C10orf143: variants seen among roughly 807,000 people sequenced by gnomAD.
C10orf143 encodes the protein uncharacterized protein C10orf143.
At chr10:130,037,860 C>T (rs1352804460) in intron 3 of C10orf143, among the ~76,000 whole-genome samples, 1 of 152,166 alleles carries the variant, frequency 6.6e-6, no homozygotes, top group Non-Finnish European at 1.5e-5. Flanking sequence ...TTATTAGCAG[C>T]TAAGCTCTTT....
chr10:130,106,349 G>C (rs760096815), intron 1 of C10orf143: 1 of 1,600,832 alleles, frequency 6.2e-7, no homozygotes, highest in South Asian at 1.1e-5. Context: ...TGTTCAAAAA[G>C]AGTATGAAGA....
Position 130,108,125 on chromosome 10 carries a change from C to T in C10orf143, c.69+2579G>A, listed in dbSNP as rs762405086. 4 of 1,558,114 alleles carry T rather than the reference C, an allele frequency of 2.6e-6. No individual in the cohort carries two copies. The South Asian group carries it at 4.4e-5, about 17-fold the overall frequency. ...TGGCCCTCGCTTTGTTCCTCCACCT[C>T]TTGCCCTAATCAGAGGTCCACTGTT... On this transcript the variant is annotated intron_variant, in intron 1 of 3. Coordinates refer to ENST00000637128, the MANE Select transcript of C10orf143 (RefSeq NM_001355042.2).
intron 3 of C10orf143, among the ~76,000 whole-genome samples, chr10:130,045,775 C>T (rs1314389294): frequency 6.6e-6 from 1 of 152,214 alleles, no homozygotes; most frequent in Non-Finnish European, 1.5e-5. Context: ...AATGCGATTG[C>T]CTCGACTCGA....
chr10:130,048,232 C>T (rs1402803548), intron 3 of C10orf143, among the ~76,000 whole-genome samples: 1 of 152,156 alleles, frequency 6.6e-6, no homozygotes, highest in East Asian at 1.9e-4. Flanking sequence ...TCCAGCTCAC[C>T]CCTACAGCTG....
At chr10:130,089,854 T>TA (rs1411018227) in intron 1 of C10orf143, among the ~76,000 whole-genome samples, 1 of 152,102 alleles carries the variant, frequency 6.6e-6, no homozygotes, top group African/African-American at 2.4e-5. Flanking sequence ...TATCCACATG[T>TA]AAAAAGATAA....
chr10:130,059,998 A>G (rs74987163), downstream of C10orf143, among the ~76,000 whole-genome samples: 4,965 of 152,296 alleles, frequency 0.033, 261 homozygotes, highest in African/African-American at 0.11. Context: ...AGACATTGAA[A>G]AAAAGCACAG....
intron 3 of C10orf143, among the ~76,000 whole-genome samples, chr10:130,043,638 C>T (rs566367984): frequency 1.3e-5 from 2 of 152,322 alleles, no homozygotes; most frequent in South Asian, 4.1e-4. Context: ...ATAAGCACCC[C>T]CAGGTGCCCT....
At chr10:130,107,217 A>C in intron 1 of C10orf143, 1 of 1,336,400 alleles carries the variant, frequency 7.5e-7, no homozygotes, top group Non-Finnish European at 1.1e-6. Context: ...CAAGAAAATG[A>C]AATGAAACTC....
chr10:130,065,143 A>G lies in C10orf143; in HGVS notation c.298-760T>C, dbSNP rs1860910018. The G allele has an allele frequency of 6.6e-6, 1 of 152,428 alleles. No homozygotes were observed. The highest frequency in any genetic ancestry group is 2.4e-5 in the African/African-American group (1 of 41,456). 9.4% of individuals were successfully genotyped at this position (152,428 alleles called of 1,614,324 possible). On this transcript the variant is annotated intron_variant, in intron 3 of 3. Transcript: ENST00000637128. This position sits in a 1 kb window ranked among gnomAD's most constrained non-coding sequence, Gnocchi z 4.2. ...GGGCAGTGGGGAAACAAAGAAGTCC[A>G]GTTCTTGATGATGTCCCTGCTTCCT...
chr10:130,086,219 A>C (rs188883386), intron 1 of C10orf143, among the ~76,000 whole-genome samples: 1 of 152,272 alleles, frequency 6.6e-6, no homozygotes, highest in East Asian at 1.9e-4. Flanking sequence ...ACACAGGTCC[A>C]TGCGAGCTCA....
chr10:130,064,923 T>C (rs2031469), intron 3 of C10orf143: 5 of 152,316 alleles, frequency 3.3e-5, no homozygotes, highest in African/African-American at 1.2e-4. Context: ...GGCCAGACAC[T>C]GTACCACTGT....
intron 3 of C10orf143, among the ~76,000 whole-genome samples, chr10:130,046,765 C>G (rs773200547): frequency 5.9e-5 from 9 of 152,184 alleles, no homozygotes; most frequent in Non-Finnish European, 1.2e-4. Context: ...CCACGCCGCC[C>G]GCTCACCTGC....
At chr10:130,048,851 C>T (rs544824536) in intron 3 of C10orf143, among the ~76,000 whole-genome samples, 126 of 152,202 alleles carry the variant, frequency 8.3e-4, no homozygotes, top group African/African-American at 2.8e-3. Context: ...TACAGACATG[C>T]GCCACCATAC....
intron 1 of C10orf143, among the ~76,000 whole-genome samples, chr10:130,101,596 G>A (rs1269692086): frequency 6.6e-6 from 1 of 151,908 alleles, no homozygotes; most frequent in African/African-American, 2.4e-5. Context: ...ACCGGGCATG[G>A]TTGCTCATAC....
intron 1 of C10orf143, chr10:130,106,251 G>A: frequency 1.3e-6 from 2 of 1,498,964 alleles, no homozygotes; most frequent in Admixed American, 3.4e-5. Context: ...GTTAGGAGTC[G>A]GCTTTATGTG....
intron 1 of C10orf143, chr10:130,107,694 C>A: frequency 7.8e-7 from 1 of 1,275,666 alleles, no homozygotes; most frequent in Non-Finnish European, 1.1e-6. Context: ...CCTTTGCCTC[C>A]AGGGGGGGAA....
At chr10:130,106,067 C>T (rs749171058) in intron 1 of C10orf143, 12 of 583,548 alleles carry the variant, frequency 2.1e-5, no homozygotes, top group Non-Finnish European at 3.0e-5. Context: ...AGGGGCTACC[C>T]CTCAGCGGTA....
In C10orf143 at chr10:130,079,646, G is replaced by C. The variant is rs1861173535; in HGVS notation, c.235-18C>G. ...TGAGAAATCTAGTTAACAAATCACA[G>C]TTGCAGATATATCAGAACAATGATT... is the stretch of plus-strand genomic sequence containing the variant. On this transcript the variant is annotated intron_variant, in intron 2 of 3. Coordinates refer to ENST00000637128, the MANE Select transcript of C10orf143 (RefSeq NM_001355042.2). 1 of 398,926 alleles carries C rather than the reference G, an allele frequency of 2.5e-6. No homozygotes were observed. Among genetic ancestry groups the C allele is most frequent in the Non-Finnish European group, 4.4e-6 (1 of 226,086 alleles). 24.7% of individuals were successfully genotyped at this position (398,926 alleles called of 1,614,324 possible).
chr10:130,083,752 G>C (rs1590023707), intron 1 of C10orf143, among the ~76,000 whole-genome samples: 1 of 152,310 alleles, frequency 6.6e-6, no homozygotes. Flanking sequence ...TTTGAGAAAT[G>C]AAAGAGACTG....
Sources: gnomAD v4.1 joint callset for allele counts (sites outside exome capture counted in the v4.1 genomes callset) on GRCh38, gnomAD v4.1.1 for gene constraint, Gnocchi (gnomAD v3.1) non-coding constraint, MANE v1.5 for transcripts, NCBI Gene and HGNC (gene_info 2026-07-23, HGNC 2026-07-21) for gene names.